Variants in ITGA8 observed in about 807,000 individuals in gnomAD.
ITGA8 encodes integrin alpha-8.
ITGA8 carries 91 observed loss-of-function variants against 142.3 expected under a neutral mutation model. The observed-to-expected ratio is 0.64, with a 90% CI of 0.54 to 0.76. The LOEUF (loss-of-function observed/expected upper bound fraction) is 0.76. Ranked by LOEUF, ITGA8 falls within the 30% of genes least tolerant of loss-of-function variation. The pLI is 0.00. For missense variants in ITGA8, 1,406 were observed against 1,327.7 expected, an observed-to-expected ratio of 1.06 and a Z score of -0.92; for synonymous variants, 505 against 485.2, an observed-to-expected ratio of 1.04 and a Z score of -0.54.
At chr10:15,540,844 C>G (rs1292657802) in intron 27 of ITGA8, among the ~76,000 whole-genome samples, 1 of 152,154 alleles carries the variant, frequency 6.6e-6, no homozygotes, top group East Asian at 1.9e-4. Context: ...CAGCCAGTAG[C>G]TACTAAAGCA....
At chr10:15,606,870 C>T (rs903767950) in intron 17 of ITGA8, among the ~76,000 whole-genome samples, 2 of 152,142 alleles carry the variant, frequency 1.3e-5, no homozygotes, top group East Asian at 1.9e-4. Context: ...TCTTTTTAAG[C>T]CCTTGCCTGC....
chr10:15,651,196 G>GA (rs967730672), intron 11 of ITGA8, among the ~76,000 whole-genome samples: 59 of 148,466 alleles, frequency 4.0e-4, no homozygotes, highest in Non-Finnish European at 4.9e-4. Flanking sequence ...AAAGCCGTAA[G>GA]AAAAAAAAAA....
chr10:15,538,953 GTTTTTTTTTTTT>G (rs367805176), intron 27 of ITGA8, among the ~76,000 whole-genome samples: 27,474 of 132,196 alleles, frequency 0.21, 3,456 homozygotes, highest in African/African-American at 0.38. Flanking sequence ...TCAGGTAAAG[GTTTTTTTTTTTT>G]TTTTTTTTTT....
At chr10:15,711,198 C>G (rs771334664) in intron 2 of ITGA8, among the ~76,000 whole-genome samples, 4 of 152,188 alleles carry the variant, frequency 2.6e-5, no homozygotes, top group Admixed American at 1.3e-4. Context: ...CATTCACACT[C>G]TTCTTATCAA....
intron 27 of ITGA8, among the ~76,000 whole-genome samples, chr10:15,532,478 A>AACAAAATC (rs1319437928): frequency 6.7e-6 from 1 of 149,790 alleles, no homozygotes; most frequent in South Asian, 2.1e-4. Flanking sequence ...TCCCCAGGGG[A>AACAAAATC]ACAAAATCAC....
chr10:15,684,100 T>A lies in ITGA8; in HGVS notation c.472A>T (p.Thr158Ser), dbSNP rs1166198082. 1.9e-6 allele frequency: 3 copies of A among 1,614,040 alleles called. No individual in the cohort carries two copies. The highest frequency in any genetic ancestry group is 2.5e-6 in the Non-Finnish European group (3 of 1,179,966). ...TCCTTTTCTGGTGTCGGTTTAAGAGTTCTCCAGTGATATAAAGGAGCACAG... is the reference window on the plus strand; with the variant it reads ...TCCTTTTCTGGTGTCGGTTTAAGAGATCTCCAGTGATATAAAGGAGCACAG... ...VACAPLYHWR[T>S]LKPTPEKDPV... Residue 158 changes from threonine to serine, a missense_variant, in exon 4 of 30, where the codon ACT (threonine) becomes TCT (serine). Physicochemically the swap from Thr to Ser is moderately conservative, Grantham distance 58 (BLOSUM62 1). Transcript: ENST00000378076.
At chr10:15,567,840 A>G (rs12217558) in intron 25 of ITGA8, among the ~76,000 whole-genome samples, 8,483 of 152,084 alleles carry the variant, frequency 0.056, 279 homozygotes, top group East Asian at 0.14. Flanking sequence ...ACCTTCCCTC[A>G]CGCCCTAAGG....
chr10:15,581,478 G>T (rs528508828), intron 23 of ITGA8, among the ~76,000 whole-genome samples: 98 of 152,188 alleles, frequency 6.4e-4, no homozygotes, highest in African/African-American at 2.3e-3. Context: ...AAGTGTAATA[G>T]CTTTCAATGA....
chr10:15,700,410 C>T (rs957727046), intron 2 of ITGA8, among the ~76,000 whole-genome samples: 2 of 152,194 alleles, frequency 1.3e-5, no homozygotes, highest in Non-Finnish European at 2.9e-5. Flanking sequence ...TCAGTCTTGC[C>T]ATTGCATTTC....
Position 15,514,325 on chromosome 10 carries a change from A to G in ITGA8, c.*2833T>C, listed in dbSNP as rs1038516101. The G allele has an allele frequency of 6.6e-6, 1 of 152,112 alleles. No homozygotes were observed. The highest frequency in any genetic ancestry group is 1.5e-5 in the Non-Finnish European group (1 of 68,042). The allele number at this position is 152,112 out of a possible 1,614,324, so 9.4% of individuals were successfully genotyped here. A position where few individuals can be genotyped will look rare whatever the true frequency, so the allele number is the denominator to read the frequency against. On this transcript the variant is annotated 3_prime_UTR_variant, in exon 30 of 30. Transcript: ENST00000378076. ...TCAGTATGTTCTCTGGGCAGAACGG[A>G]TTGCTGGAAGGTTTGCCTGACCTCA...
chr10:15,548,337 T>C (rs991029338), intron 27 of ITGA8, 118 bp downstream of exon 27: 11 of 695,210 alleles, frequency 1.6e-5, no homozygotes, highest in Admixed American at 1.3e-4. Flanking sequence ...AAGTAATCCA[T>C]CTGCCTCGGA....
chr10:15,595,756 C>G (rs1038528869), intron 21 of ITGA8, among the ~76,000 whole-genome samples: 1 of 152,088 alleles, frequency 6.6e-6, no homozygotes, highest in African/African-American at 2.4e-5. Context: ...TCTTAGGTAA[C>G]CCTCTTCATA....
intron 27 of ITGA8, among the ~76,000 whole-genome samples, chr10:15,536,253 C>T (rs751928835): frequency 6.6e-6 from 1 of 151,886 alleles, no homozygotes; most frequent in Non-Finnish European, 1.5e-5. Context: ...TTGTTTTGAA[C>T]GCATTCTTCA....
At position 15,680,484 on chromosome 10, in the gene ITGA8, A is replaced by G. The variant is rs957321827; in HGVS notation, c.569-1701T>C. ...TAAAGTTCCCTAAAAGCTCATCTCT[A>G]TAATCTGGAATATCTAAGTATCAAT... On this transcript the variant is annotated intron_variant, in intron 4 of 29. Coordinates refer to ENST00000378076, the MANE Select transcript of ITGA8 (RefSeq NM_003638.3). Among the ~76,000 whole-genome samples, 3 of 152,042 alleles carry G rather than the reference A, an allele frequency of 2.0e-5. No individual in the cohort carries two copies. The East Asian group carries it at 5.8e-4, about 29-fold the overall frequency.
intron 11 of ITGA8, among the ~76,000 whole-genome samples, chr10:15,653,824 CTTTTTTCT>C (rs1414956028): frequency 1.0e-3 from 46 of 44,642 alleles, no homozygotes; most frequent in Admixed American, 4.0e-3. Flanking sequence ...TTTTTCTTTT[CTTTTTTCT>C]TTTTTTTTTT....
At position 15,516,369 on chromosome 10, in the gene ITGA8, A is replaced by C. The variant is rs1181904864; in HGVS notation, c.*789T>G. On this transcript the variant is annotated 3_prime_UTR_variant, in exon 30 of 30. Coordinates refer to ENST00000378076, the MANE Select transcript of ITGA8 (RefSeq NM_003638.3). ...TTCAGATGGAAGGCAGCAAGGTATT[A>C]AATAGAACTGATTCCTAATGCCAAT... is the stretch of plus-strand genomic sequence containing the variant. 1 of 152,238 alleles carries C rather than the reference A, an allele frequency of 6.6e-6. No individual in the cohort carries two copies. The highest frequency in any genetic ancestry group is 1.5e-5 in the Non-Finnish European group (1 of 68,042). The allele number at this position is 152,238 out of a possible 1,614,324, so 9.4% of individuals were successfully genotyped here.
intron 8 of ITGA8, among the ~76,000 whole-genome samples, chr10:15,661,229 T>G (rs1417659): frequency 1.2e-4 from 18 of 152,226 alleles, no homozygotes; most frequent in African/African-American, 4.1e-4. Context: ...GGTGGCATTA[T>G]GTTCTCACCA....
chr10:15,692,808 C>T (rs368632954), intron 2 of ITGA8, among the ~76,000 whole-genome samples: 70 of 152,306 alleles, frequency 4.6e-4, no homozygotes, highest in African/African-American at 1.5e-3. Flanking sequence ...TGGCTCATGC[C>T]GGTAATCCCA....
At chr10:15,592,170 G>T in intron 22 of ITGA8, 55 bp downstream of exon 22, 1 of 1,317,794 alleles carries the variant, frequency 7.6e-7, no homozygotes, top group Non-Finnish European at 1.1e-6. Flanking sequence ...TCATTTCACT[G>T]TGGATCTCTT....
Sources: gnomAD v4.1 joint callset for allele counts (sites outside exome capture counted in the v4.1 genomes callset) on GRCh38, gnomAD v4.1.1 for gene constraint, MANE v1.5 for transcripts, NCBI Gene and HGNC (gene_info 2026-07-23, HGNC 2026-07-21) for gene names.